The following PRDM1 variants were observed in gnomAD, a reference collection of about 807,000 sequenced individuals.
The protein encoded by PRDM1 is PR/SET domain 1.
A neutral mutation model predicts 62.8 loss-of-function variants in PRDM1; 13 were observed. The ratio of observed to expected loss-of-function variants is 0.21; its 90% confidence interval spans 0.13 to 0.33. The LOEUF is 0.33. Ranked by LOEUF, PRDM1 falls within the 10% of genes least tolerant of loss-of-function variation. The pLI is 1.00. For missense variants in PRDM1, 895 were observed against 1,058.8 expected, an observed-to-expected ratio of 0.85 and a Z score of 2.15; for synonymous variants, 396 against 417.6, an observed-to-expected ratio of 0.95 and a Z score of 0.63.
At chr6:106,042,286 C>T (rs997642569) in intron 1 of PRDM1, among the ~76,000 whole-genome samples, 5 of 150,342 alleles carry the variant, frequency 3.3e-5, no homozygotes, top group Non-Finnish European at 5.9e-5. Flanking sequence ...TTTGGGAGGT[C>T]GAGGCGGGCA....
At chr6:106,027,313 T>C (rs1161752659) in intron 1 of PRDM1, among the ~76,000 whole-genome samples, 1 of 152,190 alleles carries the variant, frequency 6.6e-6, no homozygotes, top group Non-Finnish European at 1.5e-5. Context: ...TCCTGCACAA[T>C]GTCCACAGAA....
chr6:106,088,300 C>T lies in PRDM1; in HGVS notation c.142C>T (p.Leu48=), dbSNP rs1582460353. The change falls in exon 2 of 7, where the codon CTG becomes TTG. Residue 48 remains leucine (L), a synonymous_variant. Transcript: ENST00000369096. The part of the protein sequence containing the change: ...KMDMEDADMT[L]WTEAEFEEKC... ...GGACATGGAGGATGCGGATATGACT[C>T]TGTGGACAGAGGCTGAGTTTGAAGA... 8.1e-6 allele frequency: 13 copies of T among 1,614,032 alleles called. No individual in the cohort carries two copies. The East Asian group carries it at 2.7e-4, about 33-fold the overall frequency.
chr6:105,994,520 G>C lies in PRDM1; in HGVS notation c.-67+881G>C, dbSNP rs892809197. The stretch of plus-strand genomic sequence containing the variant: ...TTTTAAAAAGTCGCTCACCAAAAAC[G>C]GGGTGGGGGATGGAGGTGGGGACGA... On this transcript the variant is annotated intron_variant, in intron 1 of 6. Coordinates refer to the PRDM1 transcript ENST00000652320. This position sits in a 1 kb window ranked among gnomAD's most constrained non-coding sequence, Gnocchi z 4.1. 3.3e-5 allele frequency among the ~76,000 whole-genome samples: 5 copies of C among 152,178 alleles called. No individual in the cohort carries two copies. The highest frequency in any genetic ancestry group is 4.8e-5 in the African/African-American group (2 of 41,444).
chr6:106,034,635 C>CTCTGT (rs745833853), intron 1 of PRDM1, among the ~76,000 whole-genome samples: 4 of 88,418 alleles, frequency 4.5e-5, no homozygotes, highest in Non-Finnish European at 8.1e-5. Flanking sequence ...TGTTCTCTCT[C>CTCTGT]TTTTTTTTTT....
intron 1 of PRDM1, chr6:106,072,294 T>C (rs1773531458): frequency 6.6e-6 from 1 of 152,194 alleles, no homozygotes; most frequent in African/African-American, 2.4e-5. Context: ...CTGGACATTG[T>C]TTTTTAGGGC....
At chr6:106,098,810 G>GC in intron 3 of PRDM1, 3 of 1,515,228 alleles carry the variant, frequency 2.0e-6, no homozygotes, top group African/African-American at 1.4e-5. Context: ...GAAGCCTTGG[G>GC]CGGGGGTGTA....
intron 1 of PRDM1, among the ~76,000 whole-genome samples, chr6:106,024,623 A>G (rs1489367265): frequency 4.6e-5 from 7 of 152,218 alleles, no homozygotes; most frequent in Admixed American, 4.6e-4. Flanking sequence ...CAGTGGAAGA[A>G]GTCACATAAG....
Position 106,105,637 on chromosome 6 carries a change from C to G in PRDM1, c.1477C>G (p.His493Asp), listed in dbSNP as rs890437866. The change falls in exon 5 of 7, where the codon CAC becomes GAC. Residue 493 changes from histidine to aspartate, a missense_variant. Around this residue, in one of 4 missense-constraint regions of PRDM1, gnomAD observed 444 missense variants for 422.7 expected, o/e 1.05. Coordinates refer to ENST00000369096, the MANE Select transcript of PRDM1 (RefSeq NM_001198.4). ...CAGGGAGGTGCTTGTCCCGGCGCCC[C>G]ACAGTGCCTTCTCCTTTACCGGGGC... is the stretch of plus-strand genomic sequence containing the variant. Reference protein sequence around the residue: ...HPREVLVPAPHSAFSFTGAAA... With the variant: ...HPREVLVPAPDSAFSFTGAAA... The G allele has an allele frequency of 1.9e-6, 3 of 1,613,366 alleles. No individual in the cohort carries two copies. The highest frequency in any genetic ancestry group is 2.5e-6 in the Non-Finnish European group (3 of 1,179,476).
intron 1 of PRDM1, among the ~76,000 whole-genome samples, chr6:106,064,916 T>G (rs549093911): frequency 1.3e-5 from 2 of 152,298 alleles, no homozygotes; most frequent in East Asian, 3.9e-4. Context: ...TTTCCTCTTC[T>G]GTAGAAGAGA....
rs1338117000 is a variant in PRDM1 at position 106,105,274 on chromosome 6, G to C, written c.1114G>C (p.Asp372His). The C allele has an allele frequency of 3.7e-6, 6 of 1,613,638 alleles. No individual in the cohort carries two copies. The highest frequency in any genetic ancestry group is 3.4e-6 in the Non-Finnish European group (4 of 1,179,976). Reference protein sequence around the residue: ...PVGPGSQEHRDSYAYLNASYG... With the variant: ...PVGPGSQEHRHSYAYLNASYG... ...GGGCCCCGGCTCTCAAGAGCACCGG[G>C]ACTCCTACGCTTACTTGAACGCGTC... Residue 372 changes from aspartate to histidine, a missense_variant, in exon 5 of 7, where the codon GAC (aspartate) becomes CAC (histidine). This residue lies in a region of PRDM1 where 444 missense variants were observed against 422.7 expected (regional missense o/e 1.05). Coordinates refer to ENST00000369096, the MANE Select transcript of PRDM1 (RefSeq NM_001198.4).
intron 1 of PRDM1, among the ~76,000 whole-genome samples, chr6:106,003,413 T>C (rs1772450215): frequency 6.6e-6 from 1 of 152,148 alleles, no homozygotes; most frequent in African/African-American, 2.4e-5. Context: ...ACTCACAGAC[T>C]GCAGGTTTAT....
At chr6:106,042,911 C>A (rs182684420) in intron 1 of PRDM1, among the ~76,000 whole-genome samples, 3 of 152,052 alleles carry the variant, frequency 2.0e-5, no homozygotes, top group African/African-American at 7.2e-5. Flanking sequence ...AATGCAATGG[C>A]GCATTCTCGG....
At chr6:106,068,819 T>A (rs1167624897) in intron 1 of PRDM1, among the ~76,000 whole-genome samples, 1 of 152,238 alleles carries the variant, frequency 6.6e-6, no homozygotes, top group African/African-American at 2.4e-5. Context: ...CCCTCCCTAA[T>A]TTGTTGAAGA....
chr6:106,008,006 A>T (rs72941618), intron 1 of PRDM1, among the ~76,000 whole-genome samples: 6,237 of 152,306 alleles, frequency 0.041, 149 homozygotes, highest in Non-Finnish European at 0.055. Context: ...CAGAACCTCT[A>T]ATGGCTTTAC....
In PRDM1 at chr6:106,105,143, C is replaced by T. The variant is rs766506764; in HGVS notation, c.983C>T (p.Pro328Leu). ...IERPTYITRSPIPSSTTPSPS... is the reference protein window; with the variant it reads ...IERPTYITRSLIPSSTTPSPS... Reference sequence around the variant, plus strand: ...AGACCCACGTACATCACTCGCTCCCCCATTCCATCCTCCACCACTCCAAGC... The same window carrying T: ...AGACCCACGTACATCACTCGCTCCCTCATTCCATCCTCCACCACTCCAAGC... The change falls in exon 5 of 7, where the codon CCC becomes CTC. Residue 328 changes from proline to leucine, a missense_variant. Transcript: ENST00000369096. The T allele has an allele frequency of 1.9e-6, 3 of 1,613,172 alleles. No homozygotes were observed. The highest frequency in any genetic ancestry group is 2.5e-6 in the Non-Finnish European group (3 of 1,179,570).
At chr6:106,066,682 A>G (rs1773439158) in intron 1 of PRDM1, among the ~76,000 whole-genome samples, 1 of 152,212 alleles carries the variant, frequency 6.6e-6, no homozygotes, top group Non-Finnish European at 1.5e-5. Context: ...AAAGAAATCA[A>G]TAGCATTTCT....
At chr6:106,064,779 G>A (rs180976443) in intron 1 of PRDM1, among the ~76,000 whole-genome samples, 1 of 152,186 alleles carries the variant, frequency 6.6e-6, no homozygotes, top group Non-Finnish European at 1.5e-5. Context: ...CTGGGGATAG[G>A]GTGGGAGCAG....
chr6:106,016,996 T>C (rs1772630724), intron 1 of PRDM1, among the ~76,000 whole-genome samples: 2 of 152,218 alleles, frequency 1.3e-5, no homozygotes, highest in African/African-American at 4.8e-5. Flanking sequence ...TTTTGGAGAT[T>C]TGCAATAATT....
upstream of PRDM1, among the ~76,000 whole-genome samples, chr6:106,083,654 G>C (rs959484147): frequency 6.6e-6 from 1 of 152,176 alleles, no homozygotes; most frequent in Non-Finnish European, 1.5e-5. Context: ...GAACTATTTG[G>C]CTCATTCATG....
Sources: allele counts gnomAD v4.1 joint callset (sites outside exome capture counted in the v4.1 genomes callset), GRCh38; gene constraint gnomAD v4.1.1; regional missense constraint gnomAD v4.1.1; non-coding constraint Gnocchi (gnomAD v3.1); transcripts MANE v1.5; gene names NCBI Gene and HGNC (gene_info 2026-07-23, HGNC 2026-07-21).